The following RAB7A variants were observed in gnomAD, a reference collection of about 807,000 sequenced individuals.
The protein encoded by RAB7A is RAB7A, member RAS oncogene family, also known as ras-related protein Rab-7a.
RAB7A carries 2 observed loss-of-function variants against 24.5 expected under a neutral mutation model. The observed-to-expected ratio is 0.08, with a 90% CI of 0.03 to 0.26. RAB7A has a LOEUF of 0.26. Among genes scored for constraint, RAB7A ranks in the 10% least tolerant of loss-of-function variants. RAB7A has a pLI of 1.00. For missense variants in RAB7A, 118 were observed against 255.7 expected (o/e 0.46, Z 3.67); for synonymous variants, 100 against 95.9 (o/e 1.04, Z -0.25).
intron 1 of RAB7A, among the ~76,000 whole-genome samples, chr3:128,726,672 C>T (rs544505646): frequency 1.3e-5 from 2 of 152,314 alleles, no homozygotes; most frequent in African/African-American, 4.8e-5. Flanking sequence ...GGCCCTGCGC[C>T]GCGGCAGGAC....
intron 1 of RAB7A, among the ~76,000 whole-genome samples, chr3:128,742,228 G>T (rs906477039): frequency 6.6e-6 from 1 of 151,664 alleles, no homozygotes; most frequent in Admixed American, 6.6e-5. Context: ...TATTCCCCCC[G>T]GTGGGTTCGT....
chr3:128,791,756 G>A (rs1229958824), intron 1 of RAB7A, among the ~76,000 whole-genome samples: 5 of 152,192 alleles, frequency 3.3e-5, no homozygotes, highest in Non-Finnish European at 7.3e-5. Context: ...TGTCAAAAGA[G>A]ATACTTGCAC....
intron 1 of RAB7A, among the ~76,000 whole-genome samples, chr3:128,787,341 C>T (rs183599099): frequency 3.9e-5 from 6 of 152,332 alleles, no homozygotes; most frequent in Admixed American, 2.6e-4. Context: ...TCGGGCACAA[C>T]ATGTAAATCA....
At chr3:128,765,299 A>G (rs992230296) in intron 1 of RAB7A, among the ~76,000 whole-genome samples, 2 of 152,134 alleles carry the variant, frequency 1.3e-5, no homozygotes, top group Non-Finnish European at 2.9e-5. Flanking sequence ...TCTGCTAGCG[A>G]TACTGTGTTT....
At chr3:128,751,343 C>T (rs546817555) in intron 1 of RAB7A, among the ~76,000 whole-genome samples, 6 of 152,334 alleles carry the variant, frequency 3.9e-5, no homozygotes, top group Admixed American at 3.9e-4. Context: ...AGGAGGGAGG[C>T]TGTACCCTGC....
intron 1 of RAB7A, among the ~76,000 whole-genome samples, chr3:128,768,969 C>CTTTTTTTTTTTTTTTTTTTTTTTTT (rs35457218): frequency 1.4e-5 from 1 of 72,606 alleles, no homozygotes. Context: ...TCTTTCTTTC[C>CTTTTTTTTTTTTTTTTTTTTTTTTT]TTTTTTTTTT....
rs1194477040 is a variant in RAB7A at position 128,802,505 on chromosome 3, G to GTATT, written c.181-3864_181-3863insTTAT. ...ATTTTATTTTATTTTATTTATGTAT[G>GTATT]TATGTATTTATTTATTTATTTTTGA... On this transcript the variant is annotated intron_variant, in intron 3 of 5. Coordinates refer to ENST00000265062, the MANE Select transcript of RAB7A (RefSeq NM_004637.6). Among the ~76,000 whole-genome samples the GTATT allele has an allele frequency of 3.2e-3, 492 of 152,206 alleles. 4 individuals carry two copies. The highest frequency in any genetic ancestry group is 0.011 in the African/African-American group (468 of 41,524).
At chr3:128,765,116 G>C in intron 1 of RAB7A, 1 of 743,894 alleles carries the variant, frequency 1.3e-6, no homozygotes. Context: ...AGGGGACAGA[G>C]GGCTGGCTAC....
chr3:128,751,128 T>A (rs572819364), intron 1 of RAB7A, among the ~76,000 whole-genome samples: 1 of 152,326 alleles, frequency 6.6e-6, no homozygotes, highest in South Asian at 2.1e-4. Context: ...GGCAGGACTC[T>A]CATGGAGAAC....
intron 3 of RAB7A, among the ~76,000 whole-genome samples, chr3:128,804,869 C>T (rs942489396): frequency 2.0e-5 from 3 of 152,256 alleles, no homozygotes; most frequent in South Asian, 2.1e-4. Flanking sequence ...AAATAGGAAT[C>T]GATGGTTCAC....
intron 2 of RAB7A, among the ~76,000 whole-genome samples, chr3:128,795,685 C>G (rs1442446242): frequency 1.3e-5 from 2 of 149,636 alleles, no homozygotes; most frequent in African/African-American, 4.9e-5. Context: ...TTTCTCCAAG[C>G]TGGCCAGGCT....
chr3:128,793,983 C>T (rs758072420), intron 1 of RAB7A, among the ~76,000 whole-genome samples: 2 of 152,182 alleles, frequency 1.3e-5, no homozygotes, highest in African/African-American at 2.4e-5. Context: ...CTGAAGCCAT[C>T]GAGGATGGTT....
At chr3:128,775,811 A>G (rs1019768604) in intron 1 of RAB7A, among the ~76,000 whole-genome samples, 1 of 152,172 alleles carries the variant, frequency 6.6e-6, no homozygotes, top group African/African-American at 2.4e-5. Context: ...GGTGTACAAT[A>G]TGATGTTTTG....
intron 3 of RAB7A, among the ~76,000 whole-genome samples, chr3:128,800,602 G>GA (rs147402183): frequency 0.041 from 6,295 of 152,178 alleles, 176 homozygotes; most frequent in Non-Finnish European, 0.058. Flanking sequence ...AACTAAAAAA[G>GA]AAAAAGGCTT....
At chr3:128,776,951 C>T (rs1031849246) in intron 1 of RAB7A, among the ~76,000 whole-genome samples, 2 of 82,306 alleles carry the variant, frequency 2.4e-5, no homozygotes, top group Non-Finnish European at 4.2e-5. Context: ...GAGCTACACA[C>T]ACACACACAC....
At chr3:128,757,264 A>T (rs2070738314) in intron 1 of RAB7A, among the ~76,000 whole-genome samples, 1 of 152,150 alleles carries the variant, frequency 6.6e-6, no homozygotes, top group African/African-American at 2.4e-5. Flanking sequence ...GCCATACTTG[A>T]TAGAACATGA....
At chr3:128,767,394 C>A (rs531949864) in intron 1 of RAB7A, among the ~76,000 whole-genome samples, 2 of 152,318 alleles carry the variant, frequency 1.3e-5, no homozygotes, top group African/African-American at 4.8e-5. Context: ...GAGGAATTAG[C>A]CCAAGGAGCT....
At chr3:128,737,645 GTCTC>G (rs2070503234) in intron 1 of RAB7A, among the ~76,000 whole-genome samples, 2 of 148,736 alleles carry the variant, frequency 1.3e-5, no homozygotes, top group Admixed American at 6.7e-5. Context: ...CTATCTTTCT[GTCTC>G]TCTTTTTTTT....
intron 1 of RAB7A, among the ~76,000 whole-genome samples, chr3:128,728,803 A>G (rs1158040612): frequency 6.6e-6 from 1 of 152,196 alleles, no homozygotes; most frequent in Admixed American, 6.5e-5. Flanking sequence ...GAGGTAGTCC[A>G]TGTCACTACT....
Sources: allele counts gnomAD v4.1 joint callset (sites outside exome capture counted in the v4.1 genomes callset), GRCh38; gene constraint gnomAD v4.1.1; transcripts MANE v1.5; gene names NCBI Gene and HGNC (gene_info 2026-07-23, HGNC 2026-07-21).